The following SLC24A2 variants were observed in gnomAD, a reference collection of about 807,000 sequenced individuals.
The protein encoded by SLC24A2 is solute carrier family 24 member 2, also known as sodium/potassium/calcium exchanger 2.
Under a neutral mutation model 62.0 loss-of-function variants are expected in SLC24A2, and 36 were observed. That is an observed-to-expected ratio of 0.58 (90% CI 0.44 to 0.77). SLC24A2 has a LOEUF of 0.77. SLC24A2 is among the 30% of genes least tolerant of loss of function. The probability of loss-of-function intolerance (pLI) is 0.00; values close to 1 mark genes in which losing one functional copy is unlikely to be tolerated. For missense variants in SLC24A2, 846 were observed against 817.9 expected, an observed-to-expected ratio of 1.03 and a Z score of -0.42; for synonymous variants, 358 against 294.0, an observed-to-expected ratio of 1.22 and a Z score of -2.23.
At chr9:20,255,248 G>C in the SLC24A2 span, among the ~76,000 whole-genome samples, 93 of 152,276 alleles carry the variant, frequency 6.1e-4, 1 homozygote, top group East Asian at 0.017. Flanking sequence ...TGATGCACTG[G>C]TAATGACTGC....
intron 2 of SLC24A2, among the ~76,000 whole-genome samples, chr9:19,642,674 T>A (rs1305552599): frequency 2.1e-5 from 1 of 47,182 alleles, no homozygotes. Flanking sequence ...GCGTATTCTT[T>A]TTTTTTTTTT....
chr9:19,632,704 C>A lies in SLC24A2; in HGVS notation c.931-10405G>T, dbSNP rs1818209865. 6.6e-6 allele frequency among the ~76,000 whole-genome samples: 1 copy of A among 152,272 alleles called. No individual in the cohort carries two copies. Among genetic ancestry groups the A allele is most frequent in the Non-Finnish European group, 1.5e-5 (1 of 68,020 alleles). ...AATATGTATAGGGTGGTCCCATGCG[C>A]CCTTTACCCAACCTCCTCCAATGAT... On this transcript the variant is annotated intron_variant, in intron 2 of 10. Transcript: ENST00000341998. The surrounding 1 kb of genome is among the most constrained non-coding windows in gnomAD (Gnocchi z 4.5).
chr9:19,800,866 T>C, the SLC24A2 span, among the ~76,000 whole-genome samples: 2 of 152,218 alleles, frequency 1.3e-5, no homozygotes, highest in Non-Finnish European at 2.9e-5. Context: ...AATTAATCTG[T>C]GTCTCTCTTT....
chr9:19,703,851 A>G (rs1218718458), intron 2 of SLC24A2, among the ~76,000 whole-genome samples: 1 of 152,206 alleles, frequency 6.6e-6, no homozygotes, highest in Non-Finnish European at 1.5e-5. Context: ...ATGAATCACT[A>G]TTTTGTAATC....
the SLC24A2 span, among the ~76,000 whole-genome samples, chr9:20,084,682 C>G: frequency 0.018 from 2,761 of 152,200 alleles, 77 homozygotes; most frequent in African/African-American, 0.064. Flanking sequence ...CCCTGGGTAG[C>G]ACCAACTCTG....
intron 2 of SLC24A2, among the ~76,000 whole-genome samples, chr9:19,746,422 G>A (rs972834943): frequency 2.6e-5 from 4 of 152,008 alleles, no homozygotes; most frequent in Non-Finnish European, 5.9e-5. Context: ...ATGCTCTTAG[G>A]GGTGCCTGAG....
At chr9:19,944,081 A>T in the SLC24A2 span, among the ~76,000 whole-genome samples, 2 of 152,282 alleles carry the variant, frequency 1.3e-5, no homozygotes, top group East Asian at 3.9e-4. Flanking sequence ...GGACATAAAG[A>T]TGGCAACAAC....
the SLC24A2 span, among the ~76,000 whole-genome samples, chr9:20,204,195 A>G: frequency 6.6e-6 from 1 of 152,262 alleles, no homozygotes; most frequent in East Asian, 1.9e-4. Context: ...ACACATATAT[A>G]GTAACTGAGA....
Position 19,528,073 on chromosome 9 carries a change from G to A in SLC24A2, c.1545C>T (p.Tyr515=), listed in dbSNP as rs777114566. The A allele has an allele frequency of 5.0e-6, 8 of 1,596,478 alleles. No individual in the cohort carries two copies. The African/African-American group carries it at 8.0e-5, about 16-fold the overall frequency. ...CCTGGTGCGCCCACCAGACCATCAAGTAAGAGAATACTGCAATCCAGGTAA... is the reference window on the plus strand; with the variant it reads ...CCTGGTGCGCCCACCAGACCATCAAATAAGAGAATACTGCAATCCAGGTAA... ...GSITWIAVFS[Y]LMVWWAHQVG... Residue 515 remains tyrosine, a synonymous_variant, in exon 9 of 11, where the codon TAC becomes TAT. Coordinates refer to ENST00000341998, the MANE Select transcript of SLC24A2 (RefSeq NM_020344.4).
chr9:19,955,704 T>C, the SLC24A2 span, among the ~76,000 whole-genome samples: 2 of 152,194 alleles, frequency 1.3e-5, no homozygotes, highest in African/African-American at 4.8e-5. Context: ...GAAAAATGCT[T>C]TTCTATAGAA....
At chr9:19,620,524 G>A (rs1817883413) in intron 3 of SLC24A2, among the ~76,000 whole-genome samples, 1 of 152,204 alleles carries the variant, frequency 6.6e-6, no homozygotes, top group African/African-American at 2.4e-5. Flanking sequence ...CCAAATAAAA[G>A]GAACTGGTAC....
At chr9:19,697,577 T>C (rs1183721464) in intron 2 of SLC24A2, among the ~76,000 whole-genome samples, 2 of 152,202 alleles carry the variant, frequency 1.3e-5, no homozygotes, top group African/African-American at 2.4e-5. Context: ...AAGTTCTGAG[T>C]GAGTTCTATA....
the SLC24A2 span, among the ~76,000 whole-genome samples, chr9:19,870,759 A>T: frequency 6.6e-6 from 1 of 152,172 alleles, no homozygotes; most frequent in African/African-American, 2.4e-5. Context: ...ATGGATAATA[A>T]TGTTGAGCAT....
At chr9:19,636,296 T>C (rs546643066) in intron 2 of SLC24A2, among the ~76,000 whole-genome samples, 1,213 of 43,446 alleles carry the variant, frequency 0.028, 85 homozygotes, top group Middle Eastern at 0.038. Flanking sequence ...CTTCTTTTCT[T>C]TTCTTTTCTT....
the SLC24A2 span, among the ~76,000 whole-genome samples, chr9:19,864,955 A>T: frequency 6.6e-6 from 1 of 152,126 alleles, no homozygotes; most frequent in Non-Finnish European, 1.5e-5. Flanking sequence ...ACTCCACCAC[A>T]AAATGCCTAG....
At chr9:19,586,628 T>A (rs1232561600) in intron 5 of SLC24A2, among the ~76,000 whole-genome samples, 1 of 152,106 alleles carries the variant, frequency 6.6e-6, no homozygotes, top group Middle Eastern at 3.2e-3. Context: ...TGAGTTCAGA[T>A]GTAATTGGCA....
intron 2 of SLC24A2, among the ~76,000 whole-genome samples, chr9:19,692,381 T>C (rs1184478220): frequency 6.6e-6 from 1 of 152,152 alleles, no homozygotes; most frequent in Non-Finnish European, 1.5e-5. Flanking sequence ...GATTTTCTTT[T>C]GATTCATGCT....
the SLC24A2 span, among the ~76,000 whole-genome samples, chr9:20,087,858 G>A: frequency 1.3e-5 from 2 of 152,242 alleles, no homozygotes; most frequent in East Asian, 3.9e-4. Flanking sequence ...AAGGCAGGAC[G>A]ACCACCTACC....
At chr9:20,175,220 T>C in the SLC24A2 span, among the ~76,000 whole-genome samples, 2 of 151,776 alleles carry the variant, frequency 1.3e-5, no homozygotes, top group African/African-American at 2.4e-5. Context: ...ACAATGGATT[T>C]TGGGGACTCA....
Sources: gnomAD v4.1 joint callset for allele counts (sites outside exome capture counted in the v4.1 genomes callset) on GRCh38, gnomAD v4.1.1 for gene constraint, Gnocchi (gnomAD v3.1) non-coding constraint, MANE v1.5 for transcripts, NCBI Gene and HGNC (gene_info 2026-07-23, HGNC 2026-07-21) for gene names.